CPA6: variants seen among roughly 807,000 people sequenced by gnomAD.
CPA6 encodes carboxypeptidase B.
Under a neutral mutation model 63.3 loss-of-function variants are expected in CPA6, and 58 were observed. The observed-to-expected ratio is 0.92, with a 90% confidence interval of 0.74 to 1.14. The LOEUF is 1.14. Ranked by LOEUF, CPA6 falls within the 50% of genes most tolerant of loss-of-function variation. CPA6 has a pLI of 0.00. For missense variants in CPA6, 565 were observed against 526.6 expected, an observed-to-expected ratio of 1.07 and a Z score of -0.71; for synonymous variants, 185 against 179.0, an observed-to-expected ratio of 1.03 and a Z score of -0.27.
intron 8 of CPA6, among the ~76,000 whole-genome samples, chr8:67,474,342 C>T (rs565071579): frequency 6.6e-6 from 1 of 152,262 alleles, no homozygotes; most frequent in East Asian, 1.9e-4. Flanking sequence ...CTGCCTTAGC[C>T]TCCTGAATAG....
chr8:67,659,184 A>T (rs1228116982), intron 1 of CPA6, among the ~76,000 whole-genome samples: 2 of 152,170 alleles, frequency 1.3e-5, no homozygotes, highest in Admixed American at 1.3e-4. Flanking sequence ...CCAGATAGGC[A>T]GGCCTCTTTT....
chr8:67,524,906 T>G (rs1812331564), intron 2 of CPA6, among the ~76,000 whole-genome samples: 9 of 152,214 alleles, frequency 5.9e-5, no homozygotes, highest in Admixed American at 5.9e-4. Context: ...TTACATGTCC[T>G]TAATTTTGAA....
chr8:67,427,389 C>T (rs1809914251), intron 10 of CPA6, among the ~76,000 whole-genome samples: 1 of 152,152 alleles, frequency 6.6e-6, no homozygotes, highest in Admixed American at 6.5e-5. Context: ...GGACTTCACT[C>T]TGTTATGAAG....
chr8:67,665,871 G>A (rs529519607), intron 1 of CPA6, among the ~76,000 whole-genome samples: 4 of 152,306 alleles, frequency 2.6e-5, no homozygotes, highest in African/African-American at 9.6e-5. Context: ...TATCACACTG[G>A]GTTGTGGTGC....
chr8:67,678,426 C>A (rs1816525164), intron 1 of CPA6, among the ~76,000 whole-genome samples: 1 of 151,994 alleles, frequency 6.6e-6, no homozygotes, highest in Non-Finnish European at 1.5e-5. Flanking sequence ...CTTCTATAGC[C>A]CAACAAGAAA....
chr8:67,491,396 T>A (rs372975448), intron 6 of CPA6, among the ~76,000 whole-genome samples: 8 of 152,068 alleles, frequency 5.3e-5, no homozygotes, highest in African/African-American at 1.9e-4. Context: ...CCTCATCTTG[T>A]ATATTCTAGT....
chr8:67,578,148 C>T (rs182410866), intron 2 of CPA6, among the ~76,000 whole-genome samples: 3 of 152,180 alleles, frequency 2.0e-5, no homozygotes, highest in South Asian at 2.1e-4. Flanking sequence ...GATTTTGCCC[C>T]GGACTGTTGT....
At chr8:67,634,597 G>A (rs1815426429) in intron 1 of CPA6, among the ~76,000 whole-genome samples, 1 of 151,616 alleles carries the variant, frequency 6.6e-6, no homozygotes, top group Admixed American at 6.6e-5. Flanking sequence ...ACCACTTGAT[G>A]TGTGCCCTTG....
At chr8:67,505,711 A>G (rs1811913373) in intron 6 of CPA6, among the ~76,000 whole-genome samples, 2 of 152,208 alleles carry the variant, frequency 1.3e-5, no homozygotes. Flanking sequence ...TACTTACAAG[A>G]TTAAGCATAC....
intron 1 of CPA6, among the ~76,000 whole-genome samples, chr8:67,667,243 T>C (rs188249311): frequency 0.016 from 2,434 of 151,524 alleles, 63 homozygotes; most frequent in Admixed American, 0.069. Context: ...TCATTTCGGA[T>C]TGGGGTGAAG....
chr8:67,571,546 G>T (rs1046557058), intron 2 of CPA6, among the ~76,000 whole-genome samples: 1 of 151,982 alleles, frequency 6.6e-6, no homozygotes, highest in African/African-American at 2.4e-5. Flanking sequence ...AACAACAGGA[G>T]AAATTTCAGA....
chr8:67,731,298 G>GT (rs1817701021), intron 1 of CPA6, among the ~76,000 whole-genome samples: 1 of 152,210 alleles, frequency 6.6e-6, no homozygotes, highest in African/African-American at 2.4e-5. Flanking sequence ...AAGTCCTTTG[G>GT]TATGCTATAC....
At chr8:67,564,493 T>C (rs1264471874) in intron 2 of CPA6, among the ~76,000 whole-genome samples, 3 of 152,052 alleles carry the variant, frequency 2.0e-5, no homozygotes, top group Non-Finnish European at 4.4e-5. Context: ...CTCCTACTTG[T>C]GACTCAAGAA....
intron 1 of CPA6, among the ~76,000 whole-genome samples, chr8:67,729,913 A>T (rs916394257): frequency 1.3e-5 from 2 of 152,250 alleles, no homozygotes; most frequent in Non-Finnish European, 2.9e-5. Flanking sequence ...TACGGGCCCC[A>T]ATTTGGCCAT....
chr8:67,637,561 T>C (rs1010095190), intron 1 of CPA6, among the ~76,000 whole-genome samples: 11 of 151,516 alleles, frequency 7.3e-5, no homozygotes, highest in African/African-American at 2.7e-4. Flanking sequence ...ATTTATTCAA[T>C]ATTTATCCAC....
At chr8:67,494,684 T>C (rs891475704) in intron 6 of CPA6, among the ~76,000 whole-genome samples, 4 of 152,326 alleles carry the variant, frequency 2.6e-5, no homozygotes. Flanking sequence ...AAAAATGAGC[T>C]GCCACTGAAA....
chr8:67,710,706 T>C (rs182518856), intron 1 of CPA6, among the ~76,000 whole-genome samples: 1 of 150,056 alleles, frequency 6.7e-6, no homozygotes, highest in African/African-American at 2.4e-5. Flanking sequence ...ACTTTTCAGT[T>C]TTCTCTAGGG....
At chr8:67,695,744 T>G (rs2623848) in intron 1 of CPA6, among the ~76,000 whole-genome samples, 47,883 of 152,068 alleles carry the variant, frequency 0.31, 7,755 homozygotes, top group South Asian at 0.37. Flanking sequence ...CCTAGCAAGT[T>G]TCTCCAGAAG....
At chr8:67,425,696 G>C (rs1809867056) in intron 10 of CPA6, among the ~76,000 whole-genome samples, 1 of 152,116 alleles carries the variant, frequency 6.6e-6, no homozygotes, top group South Asian at 2.1e-4. Context: ...ATTATGTAAA[G>C]ATGACAATTA....
Sources: gnomAD v4.1 joint callset for allele counts (sites outside exome capture counted in the v4.1 genomes callset) on GRCh38, gnomAD v4.1.1 for gene constraint, MANE v1.5 for transcripts, NCBI Gene and HGNC (gene_info 2026-07-23, HGNC 2026-07-21) for gene names.